Variants in ANKDD1A observed in about 807,000 individuals in gnomAD.
ANKDD1A encodes the protein ankyrin repeat and death domain-containing protein 1A.
A neutral mutation model predicts 63.5 loss-of-function variants in ANKDD1A; 59 were observed. The observed-to-expected ratio is 0.93, with a 90% CI of 0.75 to 1.15. The LOEUF (loss-of-function observed/expected upper bound fraction) is 1.15, where lower values mean the gene tolerates loss of function less well. Among genes scored for constraint, ANKDD1A ranks in the 50% most tolerant of loss-of-function variants. ANKDD1A has a pLI of 0.00. For synonymous variants in ANKDD1A, 266 were observed against 263.9 expected, an observed-to-expected ratio of 1.01 and a Z score of -0.08; for missense variants, 632 against 656.4, an observed-to-expected ratio of 0.96 and a Z score of 0.41.
intron 12 of ANKDD1A, among the ~76,000 whole-genome samples, chr15:64,946,176 A>C (rs1188620607): frequency 2.6e-5 from 4 of 152,212 alleles, no homozygotes; most frequent in African/African-American, 9.6e-5. Flanking sequence ...CTGAATAAAT[A>C]AACTTAATAT....
At chr15:64,937,158 C>G (rs1004327297) in intron 9 of ANKDD1A, among the ~76,000 whole-genome samples, 1 of 149,768 alleles carries the variant, frequency 6.7e-6, no homozygotes, top group Non-Finnish European at 1.5e-5. Context: ...AAATAGACAC[C>G]TTCATATGTT....
intron 14 of ANKDD1A, among the ~76,000 whole-genome samples, chr15:64,952,337 CCTTCTT>C (rs371665011): frequency 1.4e-5 from 2 of 141,532 alleles, no homozygotes; most frequent in African/African-American, 2.6e-5. Context: ...TCTTCCTTCT[CCTTCTT>C]CTTAGTTCTT....
intron 14 of ANKDD1A, among the ~76,000 whole-genome samples, chr15:64,952,973 T>TCGTC (rs386784817): frequency 5.2e-5 from 6 of 116,438 alleles, no homozygotes; most frequent in African/African-American, 1.3e-4. Flanking sequence ...TCTTCTTTTC[T>TCGTC]TCTTGTCTCT....
chr15:64,954,072 CCTCTTTTCTTCTTCTTT>C (rs2085373300), intron 14 of ANKDD1A, among the ~76,000 whole-genome samples: 3 of 18,590 alleles, frequency 1.6e-4, no homozygotes, highest in Non-Finnish European at 1.3e-3. Context: ...CTTTCTTCTT[CCTCTTTTCTTCTTCTTT>C]CTCCTCCCTC....
intron 3 of ANKDD1A, 52 bp from the exon 4 acceptor site, chr15:64,921,869 A>G: frequency 6.5e-7 from 1 of 1,536,746 alleles, no homozygotes; most frequent in South Asian, 1.1e-5. Context: ...CCTGGCTGGC[A>G]CAGCCACGCC....
At chr15:64,938,979 G>C (rs1351091806) in intron 9 of ANKDD1A, among the ~76,000 whole-genome samples, 1 of 150,474 alleles carries the variant, frequency 6.6e-6, no homozygotes, top group African/African-American at 2.4e-5. Context: ...ACTCTGAATA[G>C]AGTATGGATG....
intron 14 of ANKDD1A, among the ~76,000 whole-genome samples, chr15:64,954,487 CCTTCTCCTTCTTCTTCCTT>C (rs1030019702): frequency 7.2e-6 from 1 of 139,464 alleles, no homozygotes; most frequent in African/African-American, 2.9e-5. Flanking sequence ...TTTTCTTCTT[CCTTCTCCTTCTTCTTCCTT>C]CTTCTCCTCT....
At chr15:64,913,601 C>G (rs1567108389) in intron 1 of ANKDD1A, among the ~76,000 whole-genome samples, 1 of 152,176 alleles carries the variant, frequency 6.6e-6, no homozygotes, top group Non-Finnish European at 1.5e-5. Flanking sequence ...GATTGCCCCC[C>G]AGGGTAGCAA....
At chr15:64,950,802 G>C (rs2085264442) in intron 14 of ANKDD1A, 1 of 1,039,690 alleles carries the variant, frequency 9.6e-7, no homozygotes, top group African/African-American at 1.8e-5. Flanking sequence ...AGGGTAGAGA[G>C]ATTAGGGACG....
Position 64,930,861 on chromosome 15 carries a change from C to T in ANKDD1A, c.610C>T (p.His204Tyr). The T allele has an allele frequency of 6.2e-7, 1 of 1,613,192 alleles. No homozygotes were observed. The highest frequency in any genetic ancestry group is 1.3e-5 in the African/African-American group (1 of 75,048). The part of the protein sequence containing the change: ...TALHLAAGRG[H>Y]MAVLQRLVDI... ...CCTTCATCTGGCTGCTGGTCGGGGCCATATGGCTGTGCTGCAGCGACTTGT... is the reference window on the plus strand; with the variant it reads ...CCTTCATCTGGCTGCTGGTCGGGGCTATATGGCTGTGCTGCAGCGACTTGT... Residue 204 changes from histidine (H) to tyrosine (Y), a missense_variant, in exon 7 of 15, where the codon CAT (histidine) becomes TAT (tyrosine). His to Tyr is a moderately conservative substitution (Grantham distance 83). Coordinates refer to ENST00000319580, the MANE Select transcript of ANKDD1A (RefSeq NM_182703.6).
chr15:64,943,670 C>A, intron 11 of ANKDD1A, 88 bp downstream of exon 11: 1 of 1,206,920 alleles, frequency 8.3e-7, no homozygotes, highest in South Asian at 1.2e-5. Context: ...CTCCCTCCTC[C>A]TTCTCAGGGT....
chr15:64,913,839 G>A (rs529218752), intron 1 of ANKDD1A, among the ~76,000 whole-genome samples: 18 of 152,272 alleles, frequency 1.2e-4, no homozygotes, highest in Non-Finnish European at 8.8e-5. Context: ...GCAGGCTATG[G>A]GGTCACTTGC....
chr15:64,926,232 T>G, intron 5 of ANKDD1A, 62 bp downstream of exon 5: 1 of 1,491,936 alleles, frequency 6.7e-7, no homozygotes, highest in Admixed American at 1.8e-5. Context: ...GGGCCACTCT[T>G]GCACACTGGG....
chr15:64,922,344 G>GC, intron 4 of ANKDD1A: 1 of 261,676 alleles, frequency 3.8e-6, no homozygotes, highest in Non-Finnish European at 7.3e-6. Flanking sequence ...CAGTGCGGTG[G>GC]GGTGAAAGGA....
intron 9 of ANKDD1A, among the ~76,000 whole-genome samples, chr15:64,940,404 A>G (rs2085171804): frequency 8.7e-6 from 1 of 114,906 alleles, no homozygotes; most frequent in Non-Finnish European, 2.0e-5. Flanking sequence ...TGATAGATAG[A>G]TAGATAGATA....
At chr15:64,934,917 A>G (rs1399657798) in intron 9 of ANKDD1A, among the ~76,000 whole-genome samples, 1 of 152,276 alleles carries the variant, frequency 6.6e-6, no homozygotes, top group East Asian at 1.9e-4. Context: ...CAGGAACTGT[A>G]TAATCTTTTG....
At chr15:64,938,365 A>G (rs1261487028) in intron 9 of ANKDD1A, among the ~76,000 whole-genome samples, 1 of 152,176 alleles carries the variant, frequency 6.6e-6, no homozygotes. Context: ...ATCAACAGTG[A>G]TGAGTCATGT....
At position 64,958,551 on chromosome 15, in the gene ANKDD1A, C is replaced by A. The variant is rs772726133; in HGVS notation, c.*1363C>A. 1 of 152,054 alleles carries A rather than the reference C, an allele frequency of 6.6e-6. No individual in the cohort carries two copies. The highest frequency in any genetic ancestry group is 1.5e-5 in the Non-Finnish European group (1 of 68,010). 9.4% of individuals were successfully genotyped at this position (152,054 alleles called of 1,614,324 possible). A position where few individuals can be genotyped will look rare whatever the true frequency, so the allele number is the denominator to read the frequency against. On this transcript the variant is annotated 3_prime_UTR_variant, in exon 15 of 15. Transcript: ENST00000319580. ...AGAAAACAGAGGCTTTAAATTAAATCATCTATTCCTTGGGAAAGGTATTTT... is the reference window on the plus strand; with the variant it reads ...AGAAAACAGAGGCTTTAAATTAAATAATCTATTCCTTGGGAAAGGTATTTT...
At chr15:64,949,779 C>A in intron 13 of ANKDD1A, 62 bp from the exon 14 acceptor site, 1 of 1,582,488 alleles carries the variant, frequency 6.3e-7, no homozygotes, top group Admixed American at 1.7e-5. Flanking sequence ...TAGACAGGCG[C>A]TCTGGTCAAG....
Sources: gnomAD v4.1 joint callset for allele counts (sites outside exome capture counted in the v4.1 genomes callset) on GRCh38, gnomAD v4.1.1 for gene constraint, MANE v1.5 for transcripts, NCBI Gene and HGNC (gene_info 2026-07-23, HGNC 2026-07-21) for gene names.